DNAH9: variants seen among roughly 807,000 people sequenced by gnomAD.
The protein encoded by DNAH9 is DNAH9 variant protein.
A neutral mutation model predicts 471.6 loss-of-function variants in DNAH9; 345 were observed. That is an observed-to-expected ratio of 0.73 (90% CI 0.67 to 0.80). The LOEUF (loss-of-function observed/expected upper bound fraction) is 0.80. DNAH9 is among the 30% of genes least tolerant of loss of function. The pLI is 0.00. For synonymous variants in DNAH9, 2,093 were observed against 2,123.6 expected (o/e 0.99, Z 0.40); for missense variants, 5,407 against 5,609.2 (o/e 0.96, Z 1.15).
intron 68 of DNAH9, among the ~76,000 whole-genome samples, chr17:11,967,949 TAACAAAAG>T (rs955556486): frequency 5.9e-5 from 9 of 152,278 alleles, no homozygotes; most frequent in African/African-American, 2.2e-4. Context: ...TGTATGCACC[TAACAAAAG>T]AGCCCCCAAA....
intron 67 of DNAH9, chr17:11,953,845 A>AT (rs1157994354): frequency 2.0e-5 from 3 of 152,122 alleles, no homozygotes; most frequent in Non-Finnish European, 4.4e-5. Flanking sequence ...AACAACTATT[A>AT]TAAGTTTGCA....
chr17:11,693,902 T>G lies in DNAH9; in HGVS notation c.4649T>G (p.Phe1550Cys). ...SKRFEGIDIDFKELAYDAQKI... is the reference protein window; with the variant it reads ...SKRFEGIDIDCKELAYDAQKI... Reference sequence around the variant, plus strand: ...AGGTTTGAAGGCATCGACATTGACTTTAAAGAGCTAGCTTATGATGCCCAG... The same window carrying G: ...AGGTTTGAAGGCATCGACATTGACTGTAAAGAGCTAGCTTATGATGCCCAG... The change falls in exon 21 of 69, where the codon TTT becomes TGT. Residue 1550 changes from phenylalanine to cysteine, a missense_variant. Around this residue, in one of 3 missense-constraint regions of DNAH9, gnomAD observed 4,636 missense variants for 4,900.3 expected, o/e 0.95. Coordinates refer to ENST00000262442, the MANE Select transcript of DNAH9 (RefSeq NM_001372.4). 6.2e-7 allele frequency: 1 copy of G among 1,614,126 alleles called. No individual in the cohort carries two copies. Among genetic ancestry groups the G allele is most frequent in the Non-Finnish European group, 8.5e-7 (1 of 1,180,004 alleles).
intron 10 of DNAH9, among the ~76,000 whole-genome samples, chr17:11,642,114 G>A (rs891938351): frequency 4.6e-5 from 7 of 152,282 alleles, no homozygotes; most frequent in African/African-American, 7.2e-5. Context: ...GGGACAGGGC[G>A]AGGCAGGGGT....
intron 32 of DNAH9, among the ~76,000 whole-genome samples, chr17:11,750,073 A>G (rs965070730): frequency 1.3e-5 from 2 of 152,176 alleles, no homozygotes; most frequent in African/African-American, 2.4e-5. Flanking sequence ...TTGACAAGAT[A>G]TAATAATCAC....
chr17:11,769,327 AG>A lies in DNAH9; in HGVS notation c.7552+1del. On this transcript the variant is annotated frameshift_variant and splice_region_variant, in exon 38 of 69. Coordinates refer to ENST00000262442, the MANE Select transcript of DNAH9 (RefSeq NM_001372.4). LOFTEE classifies it high-confidence loss of function. ...FNYYTTSAML[Q>X]AVLEKPLEKK... is the part of the protein sequence containing the mutation. ...TACTACACCACGTCAGCAATGCTGC[AG>A]GGTAAGCAGCCCAGGGCACCTGGGG... 1 of 1,609,200 alleles carries A rather than the reference AG, an allele frequency of 6.2e-7. No homozygotes were observed. Among genetic ancestry groups the A allele is most frequent in the Admixed American group, 1.7e-5 (1 of 59,298 alleles).
chr17:11,730,914 AATG>A (rs893742629), intron 28 of DNAH9, among the ~76,000 whole-genome samples: 1 of 136,088 alleles, frequency 7.3e-6, no homozygotes, highest in Non-Finnish European at 1.6e-5. Flanking sequence ...TGATGGTGGT[AATG>A]ATGATGGTGG....
intron 66 of DNAH9, among the ~76,000 whole-genome samples, chr17:11,941,304 T>C (rs1974898446): frequency 6.6e-6 from 1 of 152,136 alleles, no homozygotes; most frequent in Admixed American, 6.5e-5. Flanking sequence ...ACTCCAGAAA[T>C]GGCTGGCGCT....
At chr17:11,928,818 C>T (rs1244097599) in intron 62 of DNAH9, among the ~76,000 whole-genome samples, 2 of 152,154 alleles carry the variant, frequency 1.3e-5, no homozygotes, top group East Asian at 3.8e-4. Flanking sequence ...CAAATGTTAA[C>T]GTATGTACCA....
chr17:11,958,665 G>A (rs139576176), intron 67 of DNAH9, among the ~76,000 whole-genome samples: 1 of 151,776 alleles, frequency 6.6e-6, no homozygotes, highest in African/African-American at 2.4e-5. Flanking sequence ...TGCATGTGTC[G>A]AGGCAGAAGA....
At chr17:11,965,963 G>A (rs1472981379) in intron 68 of DNAH9, among the ~76,000 whole-genome samples, 4 of 152,048 alleles carry the variant, frequency 2.6e-5, no homozygotes, top group African/African-American at 9.7e-5. Flanking sequence ...AGAGACCTGT[G>A]GGACACCATC....
chr17:11,859,006 C>T (rs1046189791), intron 50 of DNAH9, among the ~76,000 whole-genome samples: 2 of 150,460 alleles, frequency 1.3e-5, no homozygotes, highest in East Asian at 2.0e-4. Flanking sequence ...ATCACTTGAA[C>T]CCAGGATGCA....
intron 53 of DNAH9, among the ~76,000 whole-genome samples, chr17:11,878,559 T>TTGTTTGTC (rs1972598297): frequency 6.6e-6 from 1 of 152,062 alleles, no homozygotes; most frequent in African/African-American, 2.4e-5. Flanking sequence ...GTTTGTTTGT[T>TTGTTTGTC]TGTTTGTTTG....
At chr17:11,947,619 C>A (rs1376925840) in intron 67 of DNAH9, among the ~76,000 whole-genome samples, 1 of 151,826 alleles carries the variant, frequency 6.6e-6, no homozygotes, top group Non-Finnish European at 1.5e-5. Context: ...GTTAAATTCA[C>A]CTGTTTGGTT....
chr17:11,828,856 T>G (rs191383510), intron 48 of DNAH9, among the ~76,000 whole-genome samples: 1 of 152,332 alleles, frequency 6.6e-6, no homozygotes, highest in East Asian at 1.9e-4. Context: ...TCTCCACTCC[T>G]GAATATATCA....
intron 29 of DNAH9, among the ~76,000 whole-genome samples, chr17:11,740,601 T>C (rs965712961): frequency 2.6e-5 from 4 of 152,124 alleles, no homozygotes; most frequent in African/African-American, 9.7e-5. Context: ...CACATACCCA[T>C]AGAAGGAAAT....
chr17:11,615,195 A>T (rs959121675), intron 4 of DNAH9, among the ~76,000 whole-genome samples: 2 of 152,222 alleles, frequency 1.3e-5, no homozygotes, highest in African/African-American at 4.8e-5. Flanking sequence ...CTACAAATAA[A>T]CGTGTTTGTC....
At chr17:11,934,741 C>T (rs1484018124) in intron 65 of DNAH9, among the ~76,000 whole-genome samples, 2 of 152,026 alleles carry the variant, frequency 1.3e-5, no homozygotes, top group Admixed American at 1.3e-4. Context: ...CGTGAGCCGC[C>T]GCGCCTGGCC....
chr17:11,780,875 A>G (rs555340533), intron 38 of DNAH9, 134 bp from the exon 39 acceptor site: 21 of 875,582 alleles, frequency 2.4e-5, no homozygotes, highest in South Asian at 2.3e-4. Flanking sequence ...AGCTGTTATT[A>G]TTGTTGTCTT....
chr17:11,769,141 G>A lies in DNAH9; in HGVS notation c.7364G>A (p.Ser2455Asn), dbSNP rs145081926. 8.7e-6 allele frequency: 14 copies of A among 1,614,122 alleles called. No homozygotes were observed. The African/African-American group carries it at 1.7e-4, about 20-fold the overall frequency. ...TTCCAGGCGTGTTTGGTGCACACGA[G>A]TGAGACCATCCGTGTGTGCTACTTC... ...MPLQACLVHT[S>N]ETIRVCYFME... is the part of the protein sequence containing the mutation. The change falls in exon 38 of 69, where the codon AGT (serine) becomes AAT (asparagine). Residue 2455 changes from serine (S) to asparagine (N), a missense_variant. By Grantham distance (46) the Ser-to-Asn change is conservative. Transcript: ENST00000262442.
Sources: gnomAD v4.1 joint callset for allele counts (sites outside exome capture counted in the v4.1 genomes callset) on GRCh38, gnomAD v4.1.1 for gene constraint, gnomAD v4.1.1 regional missense constraint, MANE v1.5 for transcripts, NCBI Gene and HGNC (gene_info 2026-07-23, HGNC 2026-07-21) for gene names.